The following ZNF433 variants were observed in gnomAD, a reference collection of about 807,000 sequenced individuals.
ZNF433 encodes the protein zinc finger protein 433.
Under a neutral mutation model 10.6 loss-of-function variants are expected in ZNF433, and 12 were observed. That is an observed-to-expected ratio of 1.13 (90% CI 0.72 to 1.83). The LOEUF (loss-of-function observed/expected upper bound fraction) is 1.83. Among genes scored for constraint, ZNF433 ranks in the 40% most tolerant of loss-of-function variants. The pLI is 0.00. For missense variants in ZNF433, 737 were observed against 798.0 expected, an observed-to-expected ratio of 0.92 and a Z score of 0.92; for synonymous variants, 272 against 271.3, an observed-to-expected ratio of 1.00 and a Z score of -0.02.
intron 1 of ZNF433, among the ~76,000 whole-genome samples, chr19:12,022,814 A>AC (rs1267081757): frequency 1.3e-5 from 2 of 152,058 alleles, no homozygotes; most frequent in African/African-American, 2.4e-5. Context: ...ACCCTTCTGC[A>AC]CCCCCTCCTT....
At chr19:12,017,778 G>A (rs1354540083) in intron 3 of ZNF433, 98 bp downstream of exon 3, 4 of 809,500 alleles carry the variant, frequency 4.9e-6, no homozygotes, top group Non-Finnish European at 7.8e-6. Context: ...GATTGAAATT[G>A]TGCTTATTTC....
chr19:12,019,629 T>C (rs772369362), intron 1 of ZNF433, among the ~76,000 whole-genome samples: 14 of 152,166 alleles, frequency 9.2e-5, no homozygotes, highest in Non-Finnish European at 2.1e-4. Context: ...TGAAGACATA[T>C]TTGAAAACCA....
chr19:12,021,520 T>C (rs905593693), intron 1 of ZNF433, among the ~76,000 whole-genome samples: 1 of 152,216 alleles, frequency 6.6e-6, no homozygotes, highest in East Asian at 1.9e-4. Flanking sequence ...CGCCTTGCCC[T>C]GTAATATAGG....
intron 3 of ZNF433, among the ~76,000 whole-genome samples, chr19:12,016,967 C>T (rs1974239177): frequency 6.6e-6 from 1 of 152,234 alleles, no homozygotes; most frequent in Non-Finnish European, 1.5e-5. Flanking sequence ...GTCTTGAACT[C>T]CTGACCTCAG....
Position 12,014,727 on chromosome 19 carries a change from G to T in ZNF433, c.*118C>A. ...TTCTCAACTGCCATTACCACCAACT[G>T]GAAGTCTTTTTATTTATTTATTTAA... On this transcript the variant is annotated 3_prime_UTR_variant, in exon 4 of 4. Transcript: ENST00000550507. The T allele has an allele frequency of 1.3e-6, 1 of 776,140 alleles. No homozygotes were observed. The highest frequency in any genetic ancestry group is 2.4e-5 in the South Asian group (1 of 40,922). 48.1% of individuals were successfully genotyped at this position (776,140 alleles called of 1,614,324 possible).
intron 1 of ZNF433, chr19:12,026,772 G>A (rs1974755197): frequency 6.6e-6 from 3 of 454,130 alleles, no homozygotes. Context: ...ATTATTGATT[G>A]TTCCCCTAAG....
intron 1 of ZNF433, chr19:12,023,164 C>T (rs1386850500): frequency 6.6e-6 from 1 of 152,224 alleles, no homozygotes; most frequent in African/African-American, 2.4e-5. Flanking sequence ...CAATATCTAT[C>T]CCCCACCACA....
chr19:12,016,791 T>G, intron 3 of ZNF433, 125 bp from the exon 4 acceptor site: 1 of 1,297,690 alleles, frequency 7.7e-7, no homozygotes, highest in East Asian at 2.5e-5. Flanking sequence ...TTGCCCAGGC[T>G]GGAGTGTAGT....
At chr19:12,033,610 C>T (rs1402758478) in intron 1 of ZNF433, among the ~76,000 whole-genome samples, 1 of 152,086 alleles carries the variant, frequency 6.6e-6, no homozygotes, top group East Asian at 1.9e-4. Context: ...ATCACAAGGT[C>T]AGGAGATCAA....
At position 12,015,865 on chromosome 19, in the gene ZNF433, C is replaced by A. The variant is rs748625387; in HGVS notation, c.993G>T (p.Arg331Ser). 4 of 1,613,310 alleles carry A rather than the reference C, an allele frequency of 2.5e-6. No individual in the cohort carries two copies. The East Asian group carries it at 8.9e-5, about 36-fold the overall frequency. Residue 331 changes from arginine to serine, a missense_variant, in exon 4 of 4, where the codon AGG (arginine) becomes AGT (serine). By Grantham distance (110) the Arg-to-Ser change is moderately radical. Transcript: ENST00000550507. Reference sequence around the variant, plus strand: ...AATGTTTACATTCATAGGGTTTTTTCCTAGAGTGGGTTCTTTCATGTCTGC... The same window carrying A: ...AATGTTTACATTCATAGGGTTTTTTACTAGAGTGGGTTCTTTCATGTCTGC... ...SVRRHERTHS[R>S]KKPYECKHCG...
chr19:12,015,113 G>A lies in ZNF433; in HGVS notation c.1745C>T (p.Thr582Ile), dbSNP rs1438802784. Reference protein sequence around the residue: ...SHLQMHGRTHTGEKPYECKQC... With the variant: ...SHLQMHGRTHIGEKPYECKQC... ...CTTACATTCATAGGGTTTCTCTCCA[G>A]TGTGAGTCCTTCCATGCATTTGAAG... Residue 582 changes from threonine to isoleucine, a missense_variant, in exon 4 of 4, where the codon ACT becomes ATT. Thr to Ile is a moderately conservative substitution (Grantham distance 89). Coordinates refer to ENST00000550507, the MANE Select transcript of ZNF433 (RefSeq NM_001308348.2). 2 of 1,613,990 alleles carry A rather than the reference G, an allele frequency of 1.2e-6. No homozygotes were observed. Among genetic ancestry groups the A allele is most frequent in the East Asian group, 2.2e-5 (1 of 44,890 alleles).
chr19:12,029,521 C>CAAAA (rs55659942), intron 1 of ZNF433, among the ~76,000 whole-genome samples: 1 of 48,458 alleles, frequency 2.1e-5, no homozygotes, highest in Non-Finnish European at 3.5e-5. Context: ...GACTCTGTCT[C>CAAAA]AAAAAAAAAA....
rs202009324 is a variant in ZNF433 at position 12,015,764 on chromosome 19, C to G, written c.1094G>C (p.Cys365Ser). 1 of 1,613,890 alleles carries G rather than the reference C, an allele frequency of 6.2e-7. No homozygotes were observed. The highest frequency in any genetic ancestry group is 2.2e-5 in the East Asian group (1 of 44,874). The change falls in exon 4 of 4, where the codon TGT (cysteine) becomes TCT (serine). Residue 365 changes from cysteine to serine, a missense_variant. Cys to Ser is a moderately radical substitution (Grantham distance 112, BLOSUM62 -1). Coordinates refer to ENST00000550507, the MANE Select transcript of ZNF433 (RefSeq NM_001308348.2). ...ATAAAAGGCTTTCCCACATATCTTACATTTATGAGATATCTCTCCAGTGTG... is the reference window on the plus strand; with the variant it reads ...ATAAAAGGCTTTCCCACATATCTTAGATTTATGAGATATCTCTCCAGTGTG... The part of the protein sequence containing the change: ...GMHTGEISHK[C>S]KICGKAFYSP...
chr19:12,028,624 T>C (rs1174066352), intron 1 of ZNF433, among the ~76,000 whole-genome samples: 1 of 152,234 alleles, frequency 6.6e-6, no homozygotes, highest in East Asian at 1.9e-4. Flanking sequence ...CTACTGAATA[T>C]AATTTTTAAA....
chr19:12,018,373 C>G, intron 1 of ZNF433, 81 bp from the exon 2 acceptor site: 2 of 1,484,576 alleles, frequency 1.3e-6, no homozygotes, highest in Non-Finnish European at 1.8e-6. Flanking sequence ...CAAGAGGTTT[C>G]CATGATGCTG....
chr19:12,023,334 G>A (rs1018715399), intron 1 of ZNF433: 1 of 152,194 alleles, frequency 6.6e-6, no homozygotes, highest in African/African-American at 2.4e-5. Context: ...AGGAGTGCAA[G>A]TACATACAGG....
intron 1 of ZNF433, among the ~76,000 whole-genome samples, chr19:12,028,759 CATG>C (rs1974859968): frequency 6.6e-6 from 1 of 152,144 alleles, no homozygotes; most frequent in South Asian, 2.1e-4. Context: ...GGTGCAGGGG[CATG>C]ATGACAGCTC....
chr19:12,031,576 G>A (rs1389401043), intron 1 of ZNF433, among the ~76,000 whole-genome samples: 1 of 152,120 alleles, frequency 6.6e-6, no homozygotes, highest in Non-Finnish European at 1.5e-5. Context: ...CCCAGGAGGT[G>A]GAGGTTGCAG....
chr19:12,035,292 G>T (rs993968349), intron 1 of ZNF433, among the ~76,000 whole-genome samples: 1 of 152,190 alleles, frequency 6.6e-6, no homozygotes, highest in Non-Finnish European at 1.5e-5. Context: ...GCGCGGAGCT[G>T]CCCAGAGAGG....
Sources: allele counts gnomAD v4.1 joint callset (sites outside exome capture counted in the v4.1 genomes callset), GRCh38; gene constraint gnomAD v4.1.1; transcripts MANE v1.5; gene names NCBI Gene and HGNC (gene_info 2026-07-23, HGNC 2026-07-21).